Variants in FOXP4 observed in about 807,000 individuals in gnomAD.
FOXP4 encodes the protein forkhead box protein P4.
Under a neutral mutation model 82.6 loss-of-function variants are expected in FOXP4, and 25 were observed. That is an observed-to-expected ratio of 0.30 (90% CI 0.22 to 0.42). The LOEUF (loss-of-function observed/expected upper bound fraction) is 0.42, where lower values mean the gene tolerates loss of function less well. FOXP4 is among the 10% of genes least tolerant of loss of function. FOXP4 has a pLI of 1.00. For missense variants in FOXP4, 785 were observed against 900.9 expected (o/e 0.87, Z 1.65); for synonymous variants, 415 against 388.2 (o/e 1.07, Z -0.81).
At chr6:41,557,885 C>T (rs2127325998) in intron 1 of FOXP4, among the ~76,000 whole-genome samples, 1 of 152,224 alleles carries the variant, frequency 6.6e-6, no homozygotes, top group Non-Finnish European at 1.5e-5. Flanking sequence ...ACAGACAGCA[C>T]AGGACGGCAG....
chr6:41,587,621 A>T lies in FOXP4; in HGVS notation c.872+109A>T, dbSNP rs896923412. On this transcript the variant is annotated intron_variant, in intron 7 of 16. Coordinates refer to ENST00000307972, the MANE Select transcript of FOXP4 (RefSeq NM_001012426.2). The stretch of plus-strand genomic sequence containing the variant: ...GGAGGGGGTGGAGCCCACGGACCGG[A>T]GGTTCACTCCCTCTCCACTCCCTCT... 8 of 1,022,078 alleles carry T rather than the reference A, an allele frequency of 7.8e-6. No individual in the cohort carries two copies. The African/African-American group carries it at 1.1e-4, about 15-fold the overall frequency. The allele number at this position is 1,022,078 out of a possible 1,614,324, so 63.3% of individuals were successfully genotyped here. A position where few individuals can be genotyped will look rare whatever the true frequency, so the allele number is the denominator to read the frequency against.
chr6:41,557,987 G>A (rs1210251891), intron 1 of FOXP4, among the ~76,000 whole-genome samples: 2 of 152,172 alleles, frequency 1.3e-5, no homozygotes, highest in African/African-American at 2.4e-5. Flanking sequence ...GAGCACCCAA[G>A]TGTTGTGCTA....
intron 5 of FOXP4, 81 bp from the exon 6 acceptor site, chr6:41,586,928 G>T: frequency 1.4e-6 from 2 of 1,477,460 alleles, no homozygotes; most frequent in East Asian, 2.4e-5. Context: ...CTGGGAGGGG[G>T]TGGCCGCGGG....
chr6:41,589,748 T>C (rs755948723), intron 9 of FOXP4, 23 bp from the exon 10 acceptor site: 9 of 1,608,248 alleles, frequency 5.6e-6, no homozygotes, highest in African/African-American at 4.0e-5. Flanking sequence ...CCCGCTCACC[T>C]CCTGCTTTGC....
intron 2 of FOXP4, among the ~76,000 whole-genome samples, chr6:41,572,281 G>A (rs1444319296): frequency 6.6e-6 from 1 of 152,134 alleles, no homozygotes; most frequent in Non-Finnish European, 1.5e-5. Context: ...TCCTCAGAGA[G>A]GCCTTCCCTG....
intron 2 of FOXP4, among the ~76,000 whole-genome samples, chr6:41,577,035 C>T (rs1765526399): frequency 6.6e-6 from 1 of 152,126 alleles, no homozygotes; most frequent in South Asian, 2.1e-4. Context: ...TTCCTGGGCC[C>T]TCCTGACCCC....
chr6:41,581,971 T>A (rs907092022), intron 3 of FOXP4, among the ~76,000 whole-genome samples: 1 of 152,244 alleles, frequency 6.6e-6, no homozygotes, highest in Non-Finnish European at 1.5e-5. Flanking sequence ...CAGTCTTTCC[T>A]GTTGCGGGCC....
chr6:41,582,235 T>A (rs1268549086), intron 3 of FOXP4, among the ~76,000 whole-genome samples: 1 of 152,226 alleles, frequency 6.6e-6, no homozygotes, highest in Non-Finnish European at 1.5e-5. Context: ...TTATTTAACC[T>A]CTCTGGGCCT....
intron 3 of FOXP4, among the ~76,000 whole-genome samples, chr6:41,578,948 T>G (rs1020623211): frequency 1.1e-4 from 16 of 150,138 alleles, no homozygotes; most frequent in Admixed American, 6.0e-4. Flanking sequence ...GGAAGAAGGG[T>G]GAGTATGGTT....
chr6:41,584,722 C>T (rs1215143169), intron 3 of FOXP4, 47 bp from the exon 4 acceptor site: 2 of 1,526,164 alleles, frequency 1.3e-6, no homozygotes, highest in Admixed American at 4.0e-5. Flanking sequence ...GGTGCCTCCT[C>T]CTGGGTTGGG....
At chr6:41,578,528 C>G (rs1765622185) in intron 3 of FOXP4, among the ~76,000 whole-genome samples, 1 of 151,936 alleles carries the variant, frequency 6.6e-6, no homozygotes, top group African/African-American at 2.4e-5. Flanking sequence ...GTCCCCCCTT[C>G]TCTTATCCTC....
In FOXP4 at chr6:41,600,445, AC is replaced by A. The variant is rs1369451715; in HGVS notation, c.*1513del. 6.6e-6 allele frequency: 1 copy of A among 151,662 alleles called. No individual in the cohort carries two copies. The highest frequency in any genetic ancestry group is 2.4e-5 in the African/African-American group (1 of 41,084). The allele number at this position is 151,662 out of a possible 1,614,324, so 9.4% of individuals were successfully genotyped here. On this transcript the variant is annotated 3_prime_UTR_variant, in exon 17 of 17. Transcript: ENST00000307972. ...ACTGGGCGTATCGGATGCTCATAAC[AC>A]CCCTGGCCTGGCCCCTTTACTGAGA... is the stretch of plus-strand genomic sequence containing the variant.
rs556472313 is a variant in FOXP4 at position 41,600,856 on chromosome 6, C to G, written c.*1920C>G. ...GCCTCCTGTCCCTTCCACGCTTAAA[C>G]AGGGTTCTCTGTCATTTTCCTGTTT... is the stretch of plus-strand genomic sequence containing the variant. On this transcript the variant is annotated 3_prime_UTR_variant, in exon 17 of 17. Transcript: ENST00000307972. 1 of 152,488 alleles carries G rather than the reference C, an allele frequency of 6.6e-6. No homozygotes were observed. Among genetic ancestry groups the G allele is most frequent in the African/African-American group, 2.4e-5 (1 of 41,584 alleles). 9.4% of individuals were successfully genotyped at this position (152,488 alleles called of 1,614,324 possible). A position where few individuals can be genotyped will look rare whatever the true frequency, so the allele number is the denominator to read the frequency against.
chr6:41,570,936 G>T (rs770365060), intron 2 of FOXP4, among the ~76,000 whole-genome samples: 1 of 152,110 alleles, frequency 6.6e-6, no homozygotes, highest in Non-Finnish European at 1.5e-5. Flanking sequence ...TCTTCAGGAC[G>T]AGAACTGCAT....
In FOXP4 at chr6:41,565,676, G is replaced by A. The variant is rs969079899; in HGVS notation, c.-16-69G>A. The A allele has an allele frequency of 1.1e-5, 16 of 1,402,520 alleles. No individual in the cohort carries two copies. In the African/African-American group the frequency reaches 2.2e-4, roughly 19 times the overall value. The allele number at this position is 1,402,520 out of a possible 1,614,324, so 86.9% of individuals were successfully genotyped here. A position where few individuals can be genotyped will look rare whatever the true frequency, so the allele number is the denominator to read the frequency against. ...CCTGTGGCGATGGTTATGTTTTTGG[G>A]GGTCAGCAGTCACTGCCCTTTCAGC... On this transcript the variant is annotated intron_variant, in intron 1 of 16. Coordinates refer to ENST00000307972, the MANE Select transcript of FOXP4 (RefSeq NM_001012426.2).
At position 41,600,140 on chromosome 6, in the gene FOXP4, C is replaced by A. The variant is rs1344782664; in HGVS notation, c.*1204C>A. 1.3e-5 allele frequency: 2 copies of A among 152,600 alleles called. No individual in the cohort carries two copies. The highest frequency in any genetic ancestry group is 2.9e-5 in the Non-Finnish European group (2 of 68,102). The allele number at this position is 152,600 out of a possible 1,614,324, so 9.5% of individuals were successfully genotyped here. ...ACCCCTCCTCCATCCACCCTGAGGA[C>A]CCTGGGGCTCAGTGGAGGCAGGGCC... On this transcript the variant is annotated 3_prime_UTR_variant, in exon 17 of 17. Transcript: ENST00000307972.
chr6:41,576,469 C>CTTG (rs1765494019), intron 2 of FOXP4, among the ~76,000 whole-genome samples: 1 of 152,064 alleles, frequency 6.6e-6, no homozygotes, highest in African/African-American at 2.4e-5. Flanking sequence ...AAGGTTTTGC[C>CTTG]TTGAAGGTGC....
chr6:41,578,445 T>C (rs1319272284), intron 3 of FOXP4, among the ~76,000 whole-genome samples: 1 of 151,976 alleles, frequency 6.6e-6, no homozygotes, highest in Non-Finnish European at 1.5e-5. Flanking sequence ...TCACTCCCTC[T>C]GTCCCTCTGT....
At chr6:41,560,219 G>T (rs961742032) in intron 1 of FOXP4, among the ~76,000 whole-genome samples, 1 of 152,074 alleles carries the variant, frequency 6.6e-6, no homozygotes. Flanking sequence ...GATCACTTGA[G>T]CCCAGGAGTT....
Sources: gnomAD v4.1 joint callset for allele counts (sites outside exome capture counted in the v4.1 genomes callset) on GRCh38, gnomAD v4.1.1 for gene constraint, MANE v1.5 for transcripts, NCBI Gene and HGNC (gene_info 2026-07-23, HGNC 2026-07-21) for gene names.